The following LATS1 variants were observed in gnomAD, a reference collection of about 807,000 sequenced individuals.
The protein encoded by LATS1 is large tumor suppressor kinase 1.
Under a neutral mutation model 106.6 loss-of-function variants are expected in LATS1, and 25 were observed. The observed-to-expected ratio is 0.23, with a 90% CI of 0.17 to 0.33. The LOEUF (loss-of-function observed/expected upper bound fraction) is 0.33, where lower values mean the gene tolerates loss of function less well. Ranked by LOEUF, LATS1 falls within the 10% of genes least tolerant of loss-of-function variation. The pLI, the probability that LATS1 is intolerant of heterozygous loss-of-function variation, is 1.00. For missense variants in LATS1, 1,040 were observed against 1,382.6 expected (o/e 0.75, Z 3.93); for synonymous variants, 465 against 455.6 (o/e 1.02, Z -0.26).
intron 7 of LATS1, among the ~76,000 whole-genome samples, chr6:149,667,462 A>G (rs973690676): frequency 6.6e-6 from 1 of 150,862 alleles, no homozygotes; most frequent in Admixed American, 6.6e-5. Context: ...AAAAAAAAAA[A>G]AAAAAGGAGG....
At chr6:149,714,956 T>A (rs945724831) in intron 1 of LATS1, among the ~76,000 whole-genome samples, 5 of 152,230 alleles carry the variant, frequency 3.3e-5, no homozygotes, top group African/African-American at 9.6e-5. Context: ...TATCTTAGAT[T>A]TAGTGGTATT....
At chr6:149,682,171 A>T (rs1231219024) in intron 4 of LATS1, among the ~76,000 whole-genome samples, 1 of 152,050 alleles carries the variant, frequency 6.6e-6, no homozygotes, top group Non-Finnish European at 1.5e-5. Flanking sequence ...GTGGAATGAC[A>T]ACACAGATTA....
At chr6:149,715,931 C>T (rs1156594322) in intron 1 of LATS1, among the ~76,000 whole-genome samples, 2 of 152,098 alleles carry the variant, frequency 1.3e-5, no homozygotes, top group Non-Finnish European at 2.9e-5. Flanking sequence ...GGGCCAGATT[C>T]GTCTTAATAA....
chr6:149,697,617 C>T (rs1783174016), intron 2 of LATS1, among the ~76,000 whole-genome samples: 1 of 152,106 alleles, frequency 6.6e-6, no homozygotes, highest in Admixed American at 6.6e-5. Context: ...AATTTTAAAA[C>T]TGGTTAAGTC....
chr6:149,665,057 A>C (rs2114693714), intron 7 of LATS1, among the ~76,000 whole-genome samples: 1 of 152,276 alleles, frequency 6.6e-6, no homozygotes, highest in East Asian at 1.9e-4. Context: ...TCCAATTGTA[A>C]ATAAAATAAC....
chr6:149,683,635 G>A lies in LATS1; in HGVS notation c.1454C>T (p.Thr485Ile), dbSNP rs1026652260. 2.5e-6 allele frequency: 4 copies of A among 1,614,068 alleles called. No homozygotes were observed. In the African/African-American group the frequency reaches 4.0e-5, roughly 16 times the overall value. The change falls in exon 4 of 8, where the codon ACA becomes ATA. Residue 485 changes from threonine (T) to isoleucine (I), a missense_variant. Thr to Ile is a moderately conservative substitution (Grantham distance 89). Transcript: ENST00000543571. ...HSANSQPSAT[T>I]VTAITPAPIQ... is the part of the protein sequence containing the mutation. Reference sequence around the variant, plus strand: ...AGGAGCTGGTGTAATTGCAGTGACTGTTGTAGCAGAAGGCTGAGAATTAGC... The same window carrying A: ...AGGAGCTGGTGTAATTGCAGTGACTATTGTAGCAGAAGGCTGAGAATTAGC...
At chr6:149,666,236 A>T (rs1781140679) in intron 7 of LATS1, among the ~76,000 whole-genome samples, 1 of 152,138 alleles carries the variant, frequency 6.6e-6, no homozygotes, top group Non-Finnish European at 1.5e-5. Context: ...AAACAAACAA[A>T]CAAAAAACAA....
chr6:149,711,481 T>G (rs1784092502), intron 1 of LATS1, among the ~76,000 whole-genome samples: 1 of 152,070 alleles, frequency 6.6e-6, no homozygotes, highest in Non-Finnish European at 1.5e-5. Flanking sequence ...GAGGCGGAGG[T>G]TGCAGTGAGC....
intron 3 of LATS1, among the ~76,000 whole-genome samples, chr6:149,685,116 T>C (rs922409450): frequency 6.6e-5 from 10 of 151,904 alleles, no homozygotes; most frequent in Non-Finnish European, 4.4e-5. Flanking sequence ...TGTGCACCTG[T>C]AGTCCCAGCC....
At chr6:149,685,121 C>G (rs1299039486) in intron 3 of LATS1, among the ~76,000 whole-genome samples, 4 of 151,978 alleles carry the variant, frequency 2.6e-5, no homozygotes, top group Admixed American at 1.3e-4. Context: ...ACCTGTAGTC[C>G]CAGCCACTCG....
chr6:149,717,918 C>T lies in LATS1; in HGVS notation c.-210G>A, dbSNP rs769130205. On this transcript the variant is annotated 5_prime_UTR_variant, in exon 1 of 8. Transcript: ENST00000543571. ...GGGCGGACGCTGAGGCGGCCAGAGT[C>T]CGTCCCAGCAACCCCAAGTATCCCT... is the stretch of plus-strand genomic sequence containing the variant. 1.4e-5 allele frequency: 5 copies of T among 365,106 alleles called. No homozygotes were observed. The highest frequency in any genetic ancestry group is 9.3e-5 in the South Asian group (5 of 53,686). 22.6% of individuals were successfully genotyped at this position (365,106 alleles called of 1,614,324 possible).
chr6:149,692,620 T>C (rs1017518633), intron 3 of LATS1, among the ~76,000 whole-genome samples: 1 of 152,080 alleles, frequency 6.6e-6, no homozygotes, highest in African/African-American at 2.4e-5. Context: ...TAAAAATTTG[T>C]TGAATAGGAA....
At chr6:149,716,694 T>C (rs961930041) in intron 1 of LATS1, among the ~76,000 whole-genome samples, 5 of 152,188 alleles carry the variant, frequency 3.3e-5, no homozygotes, top group African/African-American at 4.8e-5. Context: ...TATTTAGGCA[T>C]AGAATGTGCC....
chr6:149,689,749 C>A (rs1782615794), intron 3 of LATS1, among the ~76,000 whole-genome samples: 1 of 152,108 alleles, frequency 6.6e-6, no homozygotes, highest in South Asian at 2.1e-4. Context: ...TCAGAAAGTA[C>A]TCCCTTAGCT....
At chr6:149,688,125 T>C (rs1387373182) in intron 3 of LATS1, among the ~76,000 whole-genome samples, 1 of 151,610 alleles carries the variant, frequency 6.6e-6, no homozygotes, top group African/African-American at 2.4e-5. Flanking sequence ...TCTGCCCGTC[T>C]TGGCCTCCCA....
chr6:149,677,121 G>A (rs1781764886), intron 5 of LATS1, among the ~76,000 whole-genome samples: 1 of 146,946 alleles, frequency 6.8e-6, no homozygotes, highest in Non-Finnish European at 1.5e-5. Flanking sequence ...ACAAAGCTCT[G>A]GTTACATTCT....
chr6:149,684,705 G>T (rs771666730), intron 3 of LATS1, 113 bp from the exon 4 acceptor site: 7 of 716,016 alleles, frequency 9.8e-6, no homozygotes, highest in Admixed American at 3.2e-5. Flanking sequence ...TCTCTTTCAA[G>T]AATTATAAAA....
At chr6:149,709,007 A>G (rs1356707666) in intron 1 of LATS1, among the ~76,000 whole-genome samples, 1 of 152,222 alleles carries the variant, frequency 6.6e-6, no homozygotes, top group Non-Finnish European at 1.5e-5. Context: ...AAGGGGGAAG[A>G]CATCAGGTAT....
intron 7 of LATS1, among the ~76,000 whole-genome samples, chr6:149,668,083 A>AT (rs1483459210): frequency 6.6e-6 from 1 of 152,118 alleles, no homozygotes; most frequent in Admixed American, 6.6e-5. Flanking sequence ...ACCAGCCCAG[A>AT]TAATTTTTAT....
Sources: allele counts gnomAD v4.1 joint callset (sites outside exome capture counted in the v4.1 genomes callset), GRCh38; gene constraint gnomAD v4.1.1; transcripts MANE v1.5; gene names NCBI Gene and HGNC (gene_info 2026-07-23, HGNC 2026-07-21).